The following UBL3 variants were observed in gnomAD, a reference collection of about 807,000 sequenced individuals.
UBL3 encodes the protein ubiquitin like 3.
Under a neutral mutation model 18.4 loss-of-function variants are expected in UBL3, and 6 were observed. The ratio of observed to expected loss-of-function variants is 0.33; its 90% CI spans 0.18 to 0.64. The LOEUF (loss-of-function observed/expected upper bound fraction) is 0.64. Ranked by LOEUF, UBL3 falls within the 30% of genes least tolerant of loss-of-function variation. The pLI, the probability that UBL3 is intolerant of heterozygous loss-of-function variation, is 0.76. For missense variants in UBL3, 109 were observed against 142.9 expected, an observed-to-expected ratio of 0.76 and a Z score of 1.21; for synonymous variants, 49 against 46.6, an observed-to-expected ratio of 1.05 and a Z score of -0.21.
At chr13:29,771,473 A>T (rs1206422406) in intron 3 of UBL3, among the ~76,000 whole-genome samples, 1 of 152,098 alleles carries the variant, frequency 6.6e-6, no homozygotes, top group Non-Finnish European at 1.5e-5. Flanking sequence ...AGCACTTTGA[A>T]TATATAAAGT....
At chr13:29,846,077 T>A (rs1229509036) in intron 1 of UBL3, among the ~76,000 whole-genome samples, 15 of 152,074 alleles carry the variant, frequency 9.9e-5, no homozygotes, top group Non-Finnish European at 5.9e-5. Context: ...AATATTTTCT[T>A]GCAAAAAACC....
chr13:29,796,214 A>C (rs1877607271), intron 1 of UBL3, among the ~76,000 whole-genome samples: 1 of 152,152 alleles, frequency 6.6e-6, no homozygotes, highest in Non-Finnish European at 1.5e-5. Context: ...TTTTGTGCAC[A>C]GAAAATAAAA....
intron 1 of UBL3, among the ~76,000 whole-genome samples, chr13:29,822,535 G>C (rs926972852): frequency 6.6e-6 from 1 of 152,126 alleles, no homozygotes; most frequent in Non-Finnish European, 1.5e-5. Flanking sequence ...AATTAGAAAA[G>C]TGTTTCTAGT....
At chr13:29,784,983 G>A (rs993462256) in intron 1 of UBL3, among the ~76,000 whole-genome samples, 9 of 152,274 alleles carry the variant, frequency 5.9e-5, no homozygotes, top group East Asian at 3.9e-4. Context: ...TCGGCTCGCC[G>A]CAACCTCCGG....
chr13:29,825,207 T>C (rs1878584287), intron 1 of UBL3, among the ~76,000 whole-genome samples: 1 of 152,172 alleles, frequency 6.6e-6, no homozygotes, highest in Non-Finnish European at 1.5e-5. Flanking sequence ...TTTGGTTCCA[T>C]ATGAACTTTA....
In UBL3 at chr13:29,850,099, AC is replaced by A. The variant is rs1270020881; in HGVS notation, c.-562del. The A allele has an allele frequency of 6.6e-6, 1 of 152,320 alleles. No homozygotes were observed. Among genetic ancestry groups the A allele is most frequent in the Non-Finnish European group, 1.5e-5 (1 of 68,106 alleles). The allele number at this position is 152,320 out of a possible 1,614,324, so 9.4% of individuals were successfully genotyped here. A position where few individuals can be genotyped will look rare whatever the true frequency, so the allele number is the denominator to read the frequency against. Reference sequence around the variant, plus strand: ...AGCCGCTGTCGGAGCGCCCGCGCGGACAGCGCGGGGAAACGGCTCAACTCGC... The same window carrying A: ...AGCCGCTGTCGGAGCGCCCGCGCGGAAGCGCGGGGAAACGGCTCAACTCGC... On this transcript the variant is annotated 5_prime_UTR_variant, in exon 1 of 5. Transcript: ENST00000380680.
intron 1 of UBL3, among the ~76,000 whole-genome samples, chr13:29,843,759 C>CAA (rs1879164215): frequency 6.6e-6 from 1 of 152,174 alleles, no homozygotes; most frequent in South Asian, 2.1e-4. Context: ...GTAAATACTT[C>CAA]AACATGCTTT....
chr13:29,802,068 A>G (rs1241996232), intron 1 of UBL3, among the ~76,000 whole-genome samples: 1 of 152,192 alleles, frequency 6.6e-6, no homozygotes, highest in Non-Finnish European at 1.5e-5. Context: ...GAGCAGGGAG[A>G]GGAAGCACAG....
intron 1 of UBL3, among the ~76,000 whole-genome samples, chr13:29,807,589 G>A (rs1877928149): frequency 6.6e-6 from 1 of 151,904 alleles, no homozygotes; most frequent in South Asian, 2.1e-4. Flanking sequence ...TATTATCCAA[G>A]TAACTGTTTA....
At chr13:29,781,828 T>TAAAAAAAAAAAAAA (rs11357100) in intron 1 of UBL3, among the ~76,000 whole-genome samples, 1 of 82,724 alleles carries the variant, frequency 1.2e-5, no homozygotes, top group Non-Finnish European at 2.3e-5. Context: ...TACAAAAAAT[T>TAAAAAAAAAAAAAA]AAAAAAAAAA....
intron 1 of UBL3, among the ~76,000 whole-genome samples, chr13:29,792,061 G>GA (rs1222774696): frequency 2.0e-5 from 3 of 152,050 alleles, no homozygotes; most frequent in African/African-American, 7.2e-5. Context: ...ATCAAAAAAG[G>GA]AAAAATAATT....
intron 2 of UBL3, among the ~76,000 whole-genome samples, chr13:29,773,184 CTT>C (rs985890027): frequency 6.6e-6 from 1 of 152,086 alleles, no homozygotes; most frequent in Non-Finnish European, 1.5e-5. Context: ...TAACTAGAGA[CTT>C]TTCTTTTGCC....
chr13:29,781,504 G>A (rs1382893848), intron 1 of UBL3, among the ~76,000 whole-genome samples: 3 of 151,862 alleles, frequency 2.0e-5, no homozygotes, highest in African/African-American at 7.3e-5. Context: ...GTACTGTATC[G>A]GTATGGGCTT....
At chr13:29,823,742 A>G (rs9508560) in intron 1 of UBL3, among the ~76,000 whole-genome samples, 42,703 of 151,868 alleles carry the variant, frequency 0.28, 6,041 homozygotes, top group East Asian at 0.41. Context: ...TTTAAGTTCT[A>G]GGGTACATGC....
At chr13:29,771,397 T>C (rs948247366) in intron 3 of UBL3, among the ~76,000 whole-genome samples, 1 of 152,092 alleles carries the variant, frequency 6.6e-6, no homozygotes, top group South Asian at 2.1e-4. Flanking sequence ...TCCAATCATA[T>C]ATAAAGAACA....
Position 29,772,176 on chromosome 13 carries a change from G to A in UBL3, c.159C>T (p.Ser53=). The A allele has an allele frequency of 6.2e-7, 1 of 1,611,778 alleles. No individual in the cohort carries two copies. The change falls in exon 3 of 5, where the codon AGC becomes AGT. Residue 53 remains serine (S), a synonymous_variant. Transcript: ENST00000380680. ...AAATAAGTCGTAGAATATTTGGACT[G>A]CTGACCTGCTCTTCTTCCCAGTCTG... The part of the protein sequence containing the change: ...WPMDWEEEQV[S]SPNILRLIYQ...
intron 1 of UBL3, among the ~76,000 whole-genome samples, chr13:29,817,705 G>A (rs764580527): frequency 3.3e-5 from 5 of 152,042 alleles, no homozygotes; most frequent in African/African-American, 7.2e-5. Flanking sequence ...AGTGAAATAC[G>A]TACAAATTCA....
intron 1 of UBL3, among the ~76,000 whole-genome samples, chr13:29,821,442 C>A (rs184175775): frequency 3.2e-4 from 48 of 152,266 alleles, no homozygotes; most frequent in African/African-American, 1.1e-3. Context: ...GGTAACTAGT[C>A]AAATTGCTCA....
In UBL3 at chr13:29,767,327, G is replaced by C; in HGVS notation, c.302-20C>G. On this transcript the variant is annotated intron_variant, in intron 4 of 4. Coordinates refer to ENST00000380680, the MANE Select transcript of UBL3 (RefSeq NM_007106.4). ...TCTGACCTAGGGAAAACGAAGAAGA[G>C]CCTCGTTTATAAAAATTCTAGAACT... is the stretch of plus-strand genomic sequence containing the variant. The C allele has an allele frequency of 6.2e-7, 1 of 1,612,738 alleles. No homozygotes were observed. The highest frequency in any genetic ancestry group is 8.5e-7 in the Non-Finnish European group (1 of 1,179,176).
Sources: allele counts gnomAD v4.1 joint callset (sites outside exome capture counted in the v4.1 genomes callset), GRCh38; gene constraint gnomAD v4.1.1; transcripts MANE v1.5; gene names NCBI Gene and HGNC (gene_info 2026-07-23, HGNC 2026-07-21).